Variants in KIRREL3 observed in about 807,000 individuals in gnomAD.
KIRREL3 encodes the protein kin of IRRE-like protein 3.
A neutral mutation model predicts 89.7 loss-of-function variants in KIRREL3; 36 were observed. The observed-to-expected ratio is 0.40, with a 90% CI of 0.31 to 0.53. The LOEUF (loss-of-function observed/expected upper bound fraction) is 0.53. Among genes scored for constraint, KIRREL3 ranks in the 20% least tolerant of loss-of-function variants. The pLI, the probability that KIRREL3 is intolerant of heterozygous loss-of-function variation, is 0.49. For synonymous variants in KIRREL3, 445 were observed against 441.4 expected (o/e 1.01, Z -0.10); for missense variants, 864 against 1,056.6 (o/e 0.82, Z 2.53).
intron 1 of KIRREL3, among the ~76,000 whole-genome samples, chr11:126,849,979 G>A (rs1404543360): frequency 6.6e-6 from 1 of 151,950 alleles, no homozygotes; most frequent in Non-Finnish European, 1.5e-5. Context: ...GTCCATGACC[G>A]GCATACATTG....
intron 1 of KIRREL3, among the ~76,000 whole-genome samples, chr11:126,899,288 C>T (rs1466611095): frequency 6.6e-6 from 1 of 152,140 alleles, no homozygotes; most frequent in African/African-American, 2.4e-5. Flanking sequence ...TAGCCTTTCA[C>T]TCCTTGTAGA....
At chr11:126,949,333 G>A (rs1299388293) in intron 1 of KIRREL3, among the ~76,000 whole-genome samples, 7 of 152,278 alleles carry the variant, frequency 4.6e-5, no homozygotes, top group African/African-American at 1.7e-4. Flanking sequence ...GAGGTAGAAA[G>A]AAGCAGCAGA....
Position 126,454,779 on chromosome 11 carries a change from G to A in KIRREL3, c.848+1570C>T, listed in dbSNP as rs1956284477. Reference sequence around the variant, plus strand: ...GGACCCACATGATTCTGGGGAGCCTGGAGTCCCCGGCTCAGAAGGGACCCT... The same window carrying A: ...GGACCCACATGATTCTGGGGAGCCTAGAGTCCCCGGCTCAGAAGGGACCCT... On this transcript the variant is annotated intron_variant, in intron 7 of 16. Transcript: ENST00000525144. This position sits in a 1 kb window ranked among gnomAD's most constrained non-coding sequence, Gnocchi z 5.8. 6.6e-6 allele frequency among the ~76,000 whole-genome samples: 1 copy of A among 152,150 alleles called. No homozygotes were observed. Among genetic ancestry groups the A allele is most frequent in the African/African-American group, 2.4e-5 (1 of 41,428 alleles).
intron 1 of KIRREL3, among the ~76,000 whole-genome samples, chr11:126,998,576 CA>C (rs1164221471): frequency 3.9e-5 from 6 of 152,166 alleles, no homozygotes; most frequent in Non-Finnish European, 7.3e-5. Flanking sequence ...GTAGATAAAA[CA>C]GAGCATTTAA....
chr11:126,890,216 G>A lies in KIRREL3; in HGVS notation c.55+110239C>T, dbSNP rs373016070. 5.7e-4 allele frequency among the ~76,000 whole-genome samples: 86 copies of A among 152,206 alleles called. 1 individual carries two copies. The highest frequency in any genetic ancestry group is 1.9e-3 in the African/African-American group (80 of 41,540). On this transcript the variant is annotated intron_variant, in intron 1 of 16. Transcript: ENST00000525144. This position sits in a 1 kb window ranked among gnomAD's most constrained non-coding sequence, Gnocchi z 5.1. The stretch of plus-strand genomic sequence containing the variant: ...GGGAGGAGAATGGTTTCTGGCTCCC[G>A]GCAGGTTCATGAAAGAGAAAGGGTC...
chr11:126,730,007 A>G (rs1300014953), intron 1 of KIRREL3, among the ~76,000 whole-genome samples: 1 of 151,904 alleles, frequency 6.6e-6, no homozygotes, highest in Non-Finnish European at 1.5e-5. Flanking sequence ...TTTCTGGGAC[A>G]CCCTCCTCCG....
chr11:126,648,284 T>C (rs1944771774), intron 1 of KIRREL3, among the ~76,000 whole-genome samples: 1 of 152,326 alleles, frequency 6.6e-6, no homozygotes, highest in East Asian at 1.9e-4. Context: ...TTCTTTATAG[T>C]AATGAGAGAA....
rs571436446 is a variant in KIRREL3 at position 126,635,059 on chromosome 11, T to C, written c.56-72147A>G. ...TAAACTTCTCCTCGATCAGGAGTAA[T>C]ATAGTCTGAGAATGAGCACAAAGAA... On this transcript the variant is annotated intron_variant, in intron 1 of 16. Coordinates refer to ENST00000525144, the MANE Select transcript of KIRREL3 (RefSeq NM_032531.4). This position sits in a 1 kb window ranked among gnomAD's most constrained non-coding sequence, Gnocchi z 4.0. Among the ~76,000 whole-genome samples the C allele has an allele frequency of 6.6e-6, 1 of 152,342 alleles. No individual in the cohort carries two copies. The highest frequency in any genetic ancestry group is 2.1e-4 in the South Asian group (1 of 4,834).
Position 126,995,237 on chromosome 11 carries a change from G to A in KIRREL3, c.55+5218C>T. 1 of 456,134 alleles carries A rather than the reference G, an allele frequency of 2.2e-6. No homozygotes were observed. Among genetic ancestry groups the A allele is most frequent in the Non-Finnish European group, 4.4e-6 (1 of 226,946 alleles). The allele number at this position is 456,134 out of a possible 1,614,324, so 28.3% of individuals were successfully genotyped here. A position where few individuals can be genotyped will look rare whatever the true frequency, so the allele number is the denominator to read the frequency against. ...CTCCAAGAGTGCTGGGATGTCCGCT[G>A]GCCTCGAGGCAAGACAAGAGCTCCA... is the stretch of plus-strand genomic sequence containing the variant. On this transcript the variant is annotated intron_variant, in intron 1 of 16. Coordinates refer to ENST00000525144, the MANE Select transcript of KIRREL3 (RefSeq NM_032531.4). The surrounding 1 kb of genome is among the most constrained non-coding windows in gnomAD (Gnocchi z 6.5).
At position 127,000,636 on chromosome 11, in the gene KIRREL3, G is replaced by C; in HGVS notation, c.-127C>G. The C allele has an allele frequency of 1.1e-6, 1 of 876,742 alleles. No homozygotes were observed. Among genetic ancestry groups the C allele is most frequent in the Non-Finnish European group, 1.8e-6 (1 of 566,630 alleles). The allele number at this position is 876,742 out of a possible 1,614,324, so 54.3% of individuals were successfully genotyped here. A position where few individuals can be genotyped will look rare whatever the true frequency, so the allele number is the denominator to read the frequency against. Reference sequence around the variant, plus strand: ...TCGCGCCTACCATCTGTCCGTCCGTGGGTCCCTCCGGGTGGCTTCGGTCTC... The same window carrying C: ...TCGCGCCTACCATCTGTCCGTCCGTCGGTCCCTCCGGGTGGCTTCGGTCTC... On this transcript the variant is annotated 5_prime_UTR_variant, in exon 1 of 17. Transcript: ENST00000525144. This position sits in a 1 kb window ranked among gnomAD's most constrained non-coding sequence, Gnocchi z 7.1.
intron 1 of KIRREL3, among the ~76,000 whole-genome samples, chr11:126,863,724 T>C (rs1293311952): frequency 6.6e-6 from 1 of 151,966 alleles, no homozygotes; most frequent in Non-Finnish European, 1.5e-5. Context: ...AACAAAGAGG[T>C]ACAAAGAGGA....
At chr11:126,632,702 A>T (rs116781782) in intron 1 of KIRREL3, among the ~76,000 whole-genome samples, 1 of 1,554 alleles carries the variant, frequency 6.4e-4, no homozygotes, top group Non-Finnish European at 1.7e-3. Flanking sequence ...AGCCTCCTCC[A>T]CTGCATATTA....
In KIRREL3 at chr11:126,991,416, G is replaced by T. The variant is rs1950031315; in HGVS notation, c.55+9039C>A. Among the ~76,000 whole-genome samples, 1 of 151,962 alleles carries T rather than the reference G, an allele frequency of 6.6e-6. No individual in the cohort carries two copies. ...AGACACCAGGGGTGATAAAAGACTT[G>T]GATTTTAATCAACCAATTAAGAGAA... is the stretch of plus-strand genomic sequence containing the variant. On this transcript the variant is annotated intron_variant, in intron 1 of 16. Coordinates refer to ENST00000525144, the MANE Select transcript of KIRREL3 (RefSeq NM_032531.4). The surrounding 1 kb of genome is among the most constrained non-coding windows in gnomAD (Gnocchi z 5.8).
intron 1 of KIRREL3, among the ~76,000 whole-genome samples, chr11:126,923,107 T>TCTCCTTCTCCTTCTC: frequency 1.4e-5 from 1 of 70,778 alleles, no homozygotes; most frequent in Non-Finnish European, 2.8e-5. Flanking sequence ...TTCTTCTCCT[T>TCTCCTTCTCCTTCTC]CTCCTTCTCC....
At chr11:126,851,117 A>C (rs936280646) in intron 1 of KIRREL3, among the ~76,000 whole-genome samples, 1 of 152,202 alleles carries the variant, frequency 6.6e-6, no homozygotes, top group Non-Finnish European at 1.5e-5. Flanking sequence ...CTGTATAAAG[A>C]AGGCTTTGAT....
chr11:126,984,905 T>G (rs1215385619), intron 1 of KIRREL3, among the ~76,000 whole-genome samples: 1 of 152,198 alleles, frequency 6.6e-6, no homozygotes, highest in Non-Finnish European at 1.5e-5. Flanking sequence ...TTTGAACTCC[T>G]GGGTTTTCAT....
intron 1 of KIRREL3, among the ~76,000 whole-genome samples, chr11:126,794,427 C>A (rs1461561005): frequency 2.6e-5 from 4 of 152,154 alleles, no homozygotes; most frequent in Non-Finnish European, 5.9e-5. Flanking sequence ...CTTCGTATAA[C>A]CTTGGGTTTT....
At chr11:126,899,033 A>G (rs1946271916) in intron 1 of KIRREL3, among the ~76,000 whole-genome samples, 1 of 151,494 alleles carries the variant, frequency 6.6e-6, no homozygotes, top group African/African-American at 2.4e-5. Flanking sequence ...CGCATTCCTG[A>G]GGTCCCTTTG....
chr11:126,600,200 C>CAATCCAACAGCCTACAAGGAATTG (rs1942591491), intron 1 of KIRREL3, among the ~76,000 whole-genome samples: 1 of 152,202 alleles, frequency 6.6e-6, no homozygotes, highest in Non-Finnish European at 1.5e-5. Context: ...ATGAGGCTCT[C>CAATCCAACAGCCTACAAGGAATTG]AATCCAACAG....
Sources: gnomAD v4.1 joint callset for allele counts (sites outside exome capture counted in the v4.1 genomes callset) on GRCh38, gnomAD v4.1.1 for gene constraint, Gnocchi (gnomAD v3.1) non-coding constraint, MANE v1.5 for transcripts, NCBI Gene and HGNC (gene_info 2026-07-23, HGNC 2026-07-21) for gene names.